The following SLC4A4 variants were observed in gnomAD, a reference collection of about 807,000 sequenced individuals.
SLC4A4 encodes the protein solute carrier family 4 member 4, also known as electrogenic sodium bicarbonate cotransporter 1.
A neutral mutation model predicts 111.5 loss-of-function variants in SLC4A4; 27 were observed. The observed-to-expected ratio is 0.24, with a 90% CI of 0.18 to 0.33. SLC4A4 has a LOEUF of 0.33. Ranked by LOEUF, SLC4A4 falls within the 10% of genes least tolerant of loss-of-function variation. The pLI, the probability that SLC4A4 is intolerant of heterozygous loss-of-function variation, is 1.00. For missense variants in SLC4A4, 909 were observed against 1,315.5 expected, an observed-to-expected ratio of 0.69 and a Z score of 4.78; for synonymous variants, 443 against 463.4, an observed-to-expected ratio of 0.96 and a Z score of 0.57.
intron 16 of SLC4A4, among the ~76,000 whole-genome samples, chr4:71,515,783 T>G (rs1732324119): frequency 6.6e-6 from 1 of 152,146 alleles, no homozygotes. Flanking sequence ...GTATAGCTAC[T>G]CTTGCTCACT....
intron 2 of SLC4A4, among the ~76,000 whole-genome samples, chr4:71,135,507 G>A (rs922795238): frequency 6.6e-6 from 1 of 151,950 alleles, no homozygotes; most frequent in African/African-American, 2.4e-5. Flanking sequence ...TGTTGGCCAG[G>A]CTTCTCTCGA....
Position 71,527,702 on chromosome 4 carries a change from A to G in SLC4A4, c.2167-4360A>G, listed in dbSNP as rs1733543497. 2.0e-5 allele frequency among the ~76,000 whole-genome samples: 3 copies of G among 152,134 alleles called. No homozygotes were observed. In the South Asian group the frequency reaches 6.2e-4, roughly 32 times the overall value. On this transcript the variant is annotated intron_variant, in intron 16 of 25. Transcript: ENST00000264485. ...TTTCCCTTCTCCTCTTTATTAAAAA[A>G]AAAAAGGAGGAGAGCTATCTGCCTT... is the stretch of plus-strand genomic sequence containing the variant.
intron 2 of SLC4A4, among the ~76,000 whole-genome samples, chr4:71,115,925 A>T (rs1743231504): frequency 2.0e-5 from 3 of 152,032 alleles, no homozygotes; most frequent in African/African-American, 7.2e-5. Context: ...ACGGAGTTTC[A>T]CTCTTGTTGC....
chr4:71,272,445 T>A (rs1310224133), intron 3 of SLC4A4, among the ~76,000 whole-genome samples: 1 of 152,192 alleles, frequency 6.6e-6, no homozygotes, highest in East Asian at 1.9e-4. Flanking sequence ...GTGGCGGGAT[T>A]CAGACACAGA....
chr4:71,421,155 T>C (rs1489938324), intron 7 of SLC4A4, among the ~76,000 whole-genome samples: 3 of 150,220 alleles, frequency 2.0e-5, no homozygotes, highest in Admixed American at 6.6e-5. Flanking sequence ...ACCAAGCAAA[T>C]GGAAAACAAA....
chr4:71,201,585 G>A (rs1746253942), intron 1 of SLC4A4, among the ~76,000 whole-genome samples: 1 of 152,248 alleles, frequency 6.6e-6, no homozygotes, highest in Middle Eastern at 3.4e-3. Flanking sequence ...GTAAGTTAAT[G>A]AATGTGAAAT....
intron 1 of SLC4A4, among the ~76,000 whole-genome samples, chr4:71,092,217 G>T (rs1742408969): frequency 6.6e-6 from 1 of 152,132 alleles, no homozygotes; most frequent in Non-Finnish European, 1.5e-5. Context: ...TCACTGGACT[G>T]CAATTTCTAT....
chr4:71,552,312 C>G (rs1400413917), intron 20 of SLC4A4, among the ~76,000 whole-genome samples: 3 of 151,728 alleles, frequency 2.0e-5, no homozygotes, highest in Non-Finnish European at 4.4e-5. Flanking sequence ...TGCCCATGCT[C>G]TTAATCAGGA....
At chr4:71,525,208 C>T (rs933445784) in intron 16 of SLC4A4, among the ~76,000 whole-genome samples, 1 of 152,040 alleles carries the variant, frequency 6.6e-6, no homozygotes, top group Non-Finnish European at 1.5e-5. Context: ...TTTCCTTTTC[C>T]ATCCACTTAA....
chr4:71,421,840 T>C (rs1004471799), intron 7 of SLC4A4, among the ~76,000 whole-genome samples: 2 of 151,972 alleles, frequency 1.3e-5, no homozygotes, highest in Non-Finnish European at 2.9e-5. Context: ...CAAAGCAGTG[T>C]GTAGAGGGAA....
At chr4:71,416,683 A>G (rs894176749) in intron 7 of SLC4A4, among the ~76,000 whole-genome samples, 1 of 151,932 alleles carries the variant, frequency 6.6e-6, no homozygotes, top group African/African-American at 2.4e-5. Context: ...TTGATTTAAA[A>G]CATTTTAAAT....
chr4:71,461,178 G>T (rs1726783002), intron 12 of SLC4A4, among the ~76,000 whole-genome samples: 1 of 151,898 alleles, frequency 6.6e-6, no homozygotes, highest in South Asian at 2.1e-4. Context: ...GTTTCTTTTT[G>T]CTGTTATAAA....
chr4:71,068,061 C>CTTTTTTTTTTTTTTTTTTTTTTTTTTT (rs138059694), intron 1 of SLC4A4, among the ~76,000 whole-genome samples: 1 of 132,374 alleles, frequency 7.6e-6, no homozygotes, highest in African/African-American at 2.9e-5. Flanking sequence ...TTTGAACAAA[C>CTTTTTTTTTTTTTTTTTTTTTTTTTTT]GTTTTTTTTT....
chr4:71,528,869 A>G (rs192489678), intron 16 of SLC4A4, among the ~76,000 whole-genome samples: 2 of 152,092 alleles, frequency 1.3e-5, no homozygotes, highest in East Asian at 3.9e-4. Context: ...ATATATGGAC[A>G]TAAATATGTA....
chr4:71,525,500 A>G (rs1560587310), intron 16 of SLC4A4, among the ~76,000 whole-genome samples: 1 of 152,114 alleles, frequency 6.6e-6, no homozygotes, highest in Non-Finnish European at 1.5e-5. Flanking sequence ...AACTTTTTTC[A>G]TGGCAAGCTC....
At chr4:71,275,991 G>A (rs1723041415) in intron 3 of SLC4A4, among the ~76,000 whole-genome samples, 1 of 152,212 alleles carries the variant, frequency 6.6e-6, no homozygotes, top group African/African-American at 2.4e-5. Context: ...ATAACAAAGT[G>A]TAAACATTCA....
chr4:71,216,860 A>T (rs1382716797), intron 1 of SLC4A4, among the ~76,000 whole-genome samples: 1 of 152,192 alleles, frequency 6.6e-6, no homozygotes, highest in Non-Finnish European at 1.5e-5. Context: ...AATACTAGCT[A>T]CGTGCCTTGT....
intron 2 of SLC4A4, among the ~76,000 whole-genome samples, chr4:71,101,371 C>T (rs1297590176): frequency 2.0e-5 from 3 of 152,198 alleles, no homozygotes; most frequent in Non-Finnish European, 1.5e-5. Flanking sequence ...ACCTATCAAA[C>T]TACATTGACA....
intron 1 of SLC4A4, among the ~76,000 whole-genome samples, chr4:71,205,552 TA>T (rs1394699005): frequency 6.6e-6 from 1 of 152,168 alleles, no homozygotes; most frequent in Non-Finnish European, 1.5e-5. Flanking sequence ...AATTTGTATA[TA>T]TATTTATTTT....
Sources: gnomAD v4.1 joint callset for allele counts (sites outside exome capture counted in the v4.1 genomes callset) on GRCh38, gnomAD v4.1.1 for gene constraint, MANE v1.5 for transcripts, NCBI Gene and HGNC (gene_info 2026-07-23, HGNC 2026-07-21) for gene names.